The following UNC45A variants were observed in gnomAD, a reference collection of about 807,000 sequenced individuals.
The protein encoded by UNC45A is unc-45 myosin chaperone A, also known as protein unc-45 homolog A.
Under a neutral mutation model 103.2 loss-of-function variants are expected in UNC45A, and 78 were observed. The observed-to-expected ratio is 0.76, with a 90% confidence interval of 0.63 to 0.91. The LOEUF is 0.91. UNC45A is among the 40% of genes least tolerant of loss of function. UNC45A has a pLI of 0.00. For missense variants in UNC45A, 1,193 were observed against 1,224.8 expected (o/e 0.97, Z 0.39); for synonymous variants, 495 against 504.6 (o/e 0.98, Z 0.25).
rs1430255577 is a variant in UNC45A, at chr15:90,950,199, AAGGCAGCCC to A, written c.2124_2132del (p.Ala709_Ala711del). 6.4e-7 allele frequency: 1 copy of A among 1,551,728 alleles called. No homozygotes were observed. ...GGAAGGCACGGACGTGGGGCAGACAAAGGCAGCCCAGGCCCTTGCCAAGCTCACCATCAC... is the reference window on the plus strand; with the variant it reads ...GGAAGGCACGGACGTGGGGCAGACAAAGGCCCTTGCCAAGCTCACCATCAC... On this transcript the variant is annotated inframe_deletion, in exon 16 of 20. Transcript: ENST00000418476.
At chr15:90,942,817 C>T in intron 7 of UNC45A, 95 bp from the exon 8 acceptor site, 5 of 1,515,954 alleles carry the variant, frequency 3.3e-6, no homozygotes, top group Non-Finnish European at 4.5e-6. Context: ...GCGGATCCCC[C>T]CTTCCCTGTG....
intron 8 of UNC45A, among the ~76,000 whole-genome samples, chr15:90,944,152 C>T (rs933521175): frequency 2.0e-5 from 3 of 151,114 alleles, no homozygotes; most frequent in Non-Finnish European, 2.9e-5. Context: ...TTTGGGAGGC[C>T]GAGGTGGGCA....
intron 4 of UNC45A, among the ~76,000 whole-genome samples, chr15:90,938,487 G>C (rs1187415025): frequency 6.6e-6 from 1 of 151,976 alleles, no homozygotes; most frequent in Non-Finnish European, 1.5e-5. Context: ...ATGTTGAGAA[G>C]AATTAGGAAG....
intron 5 of UNC45A, 45 bp downstream of exon 5, chr15:90,939,868 C>T (rs1399912309): frequency 2.7e-6 from 4 of 1,508,658 alleles, no homozygotes; most frequent in African/African-American, 3.5e-5. Context: ...CCACTAGAGC[C>T]ACCCATCCAT....
At chr15:90,945,105 C>A (rs760367724) in intron 9 of UNC45A, 42 bp downstream of exon 9, 2 of 1,599,160 alleles carry the variant, frequency 1.3e-6, no homozygotes, top group Non-Finnish European at 1.7e-6. Context: ...GGGATTCTAG[C>A]GAAAAAGTTC....
Position 90,936,416 on chromosome 15 carries a change from T to C in UNC45A, c.382T>C (p.Phe128Leu), listed in dbSNP as rs1421213068. ...CVSLEPKNKV[F>L]QEALRNIGGQ... ...GAGCTTGGAGCCCAAGAACAAAGTT[T>C]TCCAGGAGGCCTTGCGGAACATCGG... The change falls in exon 4 of 20, where the codon TTC (phenylalanine) becomes CTC (leucine). Residue 128 changes from phenylalanine to leucine, a missense_variant. Physicochemically the swap from Phe to Leu is conservative, Grantham distance 22. Transcript: ENST00000418476. The C allele has an allele frequency of 1.2e-6, 2 of 1,614,174 alleles. No homozygotes were observed. The highest frequency in any genetic ancestry group is 2.2e-5 in the East Asian group (1 of 44,876).
intron 4 of UNC45A, among the ~76,000 whole-genome samples, chr15:90,939,347 G>C (rs144973028): frequency 3.9e-5 from 6 of 152,314 alleles, no homozygotes; most frequent in East Asian, 1.9e-4. Flanking sequence ...ACTACCTCAC[G>C]ATCTGCCAGC....
chr15:90,931,723 C>G (rs1184189012), upstream of UNC45A: 1 of 1,614,008 alleles, frequency 6.2e-7, no homozygotes, highest in Non-Finnish European at 8.5e-7. Flanking sequence ...TGCAGCGATT[C>G]AGGTCCCTCA....
At position 90,947,784 on chromosome 15, in the gene UNC45A, C is replaced by G. The variant is rs755113293; in HGVS notation, c.1501-12C>G. On this transcript the variant is annotated splice_polypyrimidine_tract_variant and intron_variant, in intron 10 of 19. Coordinates refer to ENST00000418476, the MANE Select transcript of UNC45A (RefSeq NM_018671.5). ...TCCCCAGAGGCCAACTGGTCTTGCCCTCTTCCTCCAGGGACTCTGTAAGCT... is the reference window on the plus strand; with the variant it reads ...TCCCCAGAGGCCAACTGGTCTTGCCGTCTTCCTCCAGGGACTCTGTAAGCT... The G allele has an allele frequency of 6.2e-7, 1 of 1,612,322 alleles. No individual in the cohort carries two copies.
In UNC45A at chr15:90,953,006, C is replaced by A. The variant is rs1180455643; in HGVS notation, c.2381C>A (p.Ala794Glu). 1.9e-6 allele frequency: 3 copies of A among 1,613,576 alleles called. No individual in the cohort carries two copies. Among genetic ancestry groups the A allele is most frequent in the East Asian group, 4.5e-5 (2 of 44,886 alleles). ...GAGGAGCATGAGATGATCCGCCGGG[C>A]AGCCACGGAGTGCATGTGTAACTTG... ...MFEEHEMIRR[A>E]ATECMCNLAM... The change falls in exon 18 of 20, where the codon GCA (alanine) becomes GAA (glutamate). Residue 794 changes from alanine (A) to glutamate (E), a missense_variant. Transcript: ENST00000418476.
chr15:90,942,818 C>CA, intron 7 of UNC45A, 94 bp from the exon 8 acceptor site: 3 of 1,523,314 alleles, frequency 2.0e-6, no homozygotes, highest in Non-Finnish European at 2.7e-6. Context: ...CGGATCCCCC[C>CA]TTCCCTGTGT....
intron 17 of UNC45A, among the ~76,000 whole-genome samples, chr15:90,951,174 A>AT: frequency 6.6e-6 from 1 of 152,158 alleles, no homozygotes; most frequent in Non-Finnish European, 1.5e-5. Flanking sequence ...CGCCTGGCTA[A>AT]TTTTTGTATT....
At chr15:90,935,842 G>A (rs576460243) in intron 2 of UNC45A, 104 bp from the exon 3 acceptor site, 1 of 1,582,124 alleles carries the variant, frequency 6.3e-7, no homozygotes, top group Non-Finnish European at 8.6e-7. Flanking sequence ...CCTCAGGGTG[G>A]TGGGGGATCG....
At chr15:90,945,182 T>C in intron 9 of UNC45A, 119 bp downstream of exon 9, 3 of 1,377,564 alleles carry the variant, frequency 2.2e-6, no homozygotes, top group African/African-American at 1.4e-5. Flanking sequence ...GGAGGACTAG[T>C]TGGAGGCTGA....
chr15:90,934,849 T>G (rs1193420830), upstream of UNC45A: 1 of 418,208 alleles, frequency 2.4e-6, no homozygotes, highest in East Asian at 3.6e-5. Context: ...AGTCCTGAGC[T>G]TTCTCCGGAC....
chr15:90,935,513 T>A (rs1420254429), intron 1 of UNC45A, 31 bp from the exon 2 acceptor site: 1 of 1,576,050 alleles, frequency 6.3e-7, no homozygotes, highest in African/African-American at 1.4e-5. Flanking sequence ...CCGAACCCCC[T>A]CCGACGTTTC....
chr15:90,950,399 A>G (rs2036834261), intron 16 of UNC45A, 101 bp from the exon 17 acceptor site: 6 of 1,466,090 alleles, frequency 4.1e-6, no homozygotes, highest in Non-Finnish European at 5.6e-6. Context: ...GGACAGCCTG[A>G]GACAGCAGTA....
At chr15:90,939,369 A>G (rs932394472) in intron 4 of UNC45A, among the ~76,000 whole-genome samples, 2 of 152,218 alleles carry the variant, frequency 1.3e-5, no homozygotes, top group Admixed American at 6.5e-5. Flanking sequence ...CCCTGGCAGG[A>G]GGTATAAATG....
chr15:90,932,314 T>A (rs1274811144), upstream of UNC45A: 3 of 801,572 alleles, frequency 3.7e-6, no homozygotes, highest in Admixed American at 9.9e-5. Flanking sequence ...AAACGGTATA[T>A]CGCACTAAGC....
Sources: allele counts gnomAD v4.1 joint callset (sites outside exome capture counted in the v4.1 genomes callset), GRCh38; gene constraint gnomAD v4.1.1; transcripts MANE v1.5; gene names NCBI Gene and HGNC (gene_info 2026-07-23, HGNC 2026-07-21).